Variants in TAF8 observed in about 807,000 individuals in gnomAD.
The protein encoded by TAF8 is transcription initiation factor TFIID subunit 8.
A neutral mutation model predicts 36.5 loss-of-function variants in TAF8; 47 were observed. That is an observed-to-expected ratio of 1.29 (90% CI 1.02 to 1.64). TAF8 has a LOEUF of 1.64. TAF8 is among the 40% of genes most tolerant of loss of function. TAF8 has a pLI of 0.00. For synonymous variants in TAF8, 175 were observed against 159.5 expected (o/e 1.10, Z -0.73); for missense variants, 420 against 407.6 (o/e 1.03, Z -0.26).
chr6:42,077,418 G>C (rs1007977110), intron 8 of TAF8, 115 bp from the exon 9 acceptor site: 6 of 1,553,052 alleles, frequency 3.9e-6, no homozygotes, highest in Non-Finnish European at 5.2e-6. Context: ...GTTCCTTAGT[G>C]GTTGAGTGTC....
intron 5 of TAF8, among the ~76,000 whole-genome samples, chr6:42,061,539 T>A (rs1263921409): frequency 6.6e-6 from 1 of 152,236 alleles, no homozygotes; most frequent in African/African-American, 2.4e-5. Flanking sequence ...CAGCCACAGT[T>A]AAAGGCACAA....
intron 4 of TAF8, chr6:42,056,421 T>C (rs896946616): frequency 4.4e-6 from 1 of 226,594 alleles, no homozygotes; most frequent in Admixed American, 5.3e-5. Context: ...GTTTTCATGC[T>C]ATAATGGCAT....
In TAF8 at chr6:42,068,446, C is replaced by T. The variant is rs766408667; in HGVS notation, c.638-19C>T. On this transcript the variant is annotated intron_variant, in intron 6 of 8. Coordinates refer to ENST00000372977, the MANE Select transcript of TAF8 (RefSeq NM_138572.3). Reference sequence around the variant, plus strand: ...GGTCTCTGTGACAGTGGACTCATGCCTCTCTTCCAATTCGCCAGTGATTGC... The same window carrying T: ...GGTCTCTGTGACAGTGGACTCATGCTTCTCTTCCAATTCGCCAGTGATTGC... The T allele has an allele frequency of 3.1e-6, 5 of 1,613,588 alleles. No homozygotes were observed. The highest frequency in any genetic ancestry group is 4.2e-6 in the Non-Finnish European group (5 of 1,179,910).
intron 5 of TAF8, among the ~76,000 whole-genome samples, chr6:42,065,607 C>T (rs1189421777): frequency 1.3e-5 from 2 of 152,152 alleles, no homozygotes; most frequent in African/African-American, 2.4e-5. Context: ...ACATAGGCAG[C>T]CACTCCCATA....
In TAF8 at chr6:42,061,627, T is replaced by G. The variant is rs1765193049; in HGVS notation, c.489+4114T>G. 3.3e-5 allele frequency among the ~76,000 whole-genome samples: 5 copies of G among 152,190 alleles called. No individual in the cohort carries two copies. In the South Asian group the frequency reaches 1.0e-3, roughly 31 times the overall value. ...TATAATTATTACTGATAACATACAC[T>G]AAGTCATATTAGAATTATAGAAGTT... On this transcript the variant is annotated intron_variant, in intron 5 of 8. Transcript: ENST00000372977.
intron 6 of TAF8, among the ~76,000 whole-genome samples, chr6:42,067,662 G>T (rs1765413819): frequency 6.6e-6 from 1 of 151,950 alleles, no homozygotes; most frequent in Non-Finnish European, 1.5e-5. Context: ...GGACCTCCTG[G>T]ACTCAAATGA....
chr6:42,077,528 T>C lies in TAF8; in HGVS notation c.921-5T>C, dbSNP rs2127464848. ...AGGAGGCTCCATGGTTCCTCTTCTTTCTAGGTCCCTCTCCTGAGCTGAGAA... is the reference window on the plus strand; with the variant it reads ...AGGAGGCTCCATGGTTCCTCTTCTTCCTAGGTCCCTCTCCTGAGCTGAGAA... On this transcript the variant is annotated splice_region_variant and splice_polypyrimidine_tract_variant and intron_variant, in intron 8 of 8. Coordinates refer to ENST00000372977, the MANE Select transcript of TAF8 (RefSeq NM_138572.3). The C allele has an allele frequency of 6.2e-7, 1 of 1,612,946 alleles. No homozygotes were observed. Among genetic ancestry groups the C allele is most frequent in the Non-Finnish European group, 8.5e-7 (1 of 1,179,574 alleles).
At chr6:42,053,313 A>G (rs527561791) in intron 2 of TAF8, among the ~76,000 whole-genome samples, 1 of 152,332 alleles carries the variant, frequency 6.6e-6, no homozygotes, top group Non-Finnish European at 1.5e-5. Context: ...CTGTAATCCC[A>G]GCACTTTGGG....
At chr6:42,060,007 A>C (rs1765137685) in intron 5 of TAF8, among the ~76,000 whole-genome samples, 1 of 152,186 alleles carries the variant, frequency 6.6e-6, no homozygotes, top group African/African-American at 2.4e-5. Context: ...CAACTGTCTG[A>C]GTGTACTCAT....
At chr6:42,061,945 T>G (rs1441932484) in intron 5 of TAF8, among the ~76,000 whole-genome samples, 3 of 152,172 alleles carry the variant, frequency 2.0e-5, no homozygotes, top group Non-Finnish European at 4.4e-5. Context: ...CCAAAAAATT[T>G]TTTTGTAAAG....
At chr6:42,068,639 T>G (rs371003657) in intron 7 of TAF8, 32 bp downstream of exon 7, 6 of 1,607,170 alleles carry the variant, frequency 3.7e-6, no homozygotes. Context: ...CCTCAGAGTA[T>G]CCCCCAAACT....
intron 8 of TAF8, 86 bp from the exon 9 acceptor site, chr6:42,077,447 C>T: frequency 1.3e-6 from 2 of 1,582,326 alleles, no homozygotes; most frequent in Non-Finnish European, 1.7e-6. Flanking sequence ...TAGGGACCAA[C>T]CCTCACAGCA....
downstream of TAF8, chr6:42,086,616 G>A: frequency 2.6e-6 from 3 of 1,136,970 alleles, no homozygotes; most frequent in African/African-American, 1.5e-5. Flanking sequence ...CTGATCTGCG[G>A]CACCCCCTCT....
At position 42,051,402 on chromosome 6, in the gene TAF8, C is replaced by T. The variant is rs1248545744; in HGVS notation, c.91C>T (p.Leu31=). The T allele has an allele frequency of 3.7e-6, 6 of 1,614,156 alleles. No homozygotes were observed. In the South Asian group the frequency reaches 5.5e-5, roughly 15 times the overall value. ...QSTNPADNYH[L]ARRRTLQVVV... is the part of the protein sequence containing the mutation. The stretch of plus-strand genomic sequence containing the variant: ...CACTAACCCTGCCGATAACTATCAT[C>T]TGGCCCGGAGGAGAACCCTGCAGGT... Residue 31 remains leucine (L), a synonymous_variant, in exon 2 of 9, where the codon CTG becomes TTG. Coordinates refer to ENST00000372977, the MANE Select transcript of TAF8 (RefSeq NM_138572.3).
rs373966199 is a variant in TAF8, at chr6:42,062,857, C to T, written c.490-3455C>T. ...GCCTGGCCAAGACAATCTTTAAAACCCTCTGAACTAGACAAAATTACATTC... is the reference window on the plus strand; with the variant it reads ...GCCTGGCCAAGACAATCTTTAAAACTCTCTGAACTAGACAAAATTACATTC... On this transcript the variant is annotated intron_variant, in intron 5 of 8. Transcript: ENST00000372977. Among the ~76,000 whole-genome samples, 3 of 152,130 alleles carry T rather than the reference C, an allele frequency of 2.0e-5. No individual in the cohort carries two copies. In the South Asian group the frequency reaches 6.2e-4, roughly 32 times the overall value.
At chr6:42,050,949 G>T (rs940327845) in intron 1 of TAF8, 1 of 1,113,604 alleles carries the variant, frequency 9.0e-7, no homozygotes, top group Non-Finnish European at 1.1e-6. Context: ...TCCTCTCCTC[G>T]CGGTCACCTC....
In TAF8 at chr6:42,051,420, C is replaced by G. The variant is rs1764780911; in HGVS notation, c.109C>G (p.Leu37Val). 6.2e-7 allele frequency: 1 copy of G among 1,614,122 alleles called. No homozygotes were observed. The part of the protein sequence containing the change: ...DNYHLARRRT[L>V]QVVVSSLLTE... ...CTATCATCTGGCCCGGAGGAGAACC[C>G]TGCAGGTGGTTGTGAGCTCCTTGCT... The change falls in exon 2 of 9, where the codon CTG (leucine) becomes GTG (valine). Residue 37 changes from leucine to valine, a missense_variant. Coordinates refer to ENST00000372977, the MANE Select transcript of TAF8 (RefSeq NM_138572.3).
rs769313819 is a variant in TAF8 at position 42,068,513 on chromosome 6, C to G, written c.686C>G (p.Pro229Arg). Residue 229 changes from proline to arginine, a missense_variant, in exon 7 of 9, where the codon CCG becomes CGG. Coordinates refer to ENST00000372977, the MANE Select transcript of TAF8 (RefSeq NM_138572.3). Reference sequence around the variant, plus strand: ...ATCCCCTACCTGACAGCTCTTCTTCCGTCTGAACTGGAGATGCAACAAATG... The same window carrying G: ...ATCCCCTACCTGACAGCTCTTCTTCGGTCTGAACTGGAGATGCAACAAATG... ...FTIPYLTALL[P>R]SELEMQQMEE... is the part of the protein sequence containing the mutation. The G allele has an allele frequency of 8.1e-6, 13 of 1,614,090 alleles. No individual in the cohort carries two copies. The highest frequency in any genetic ancestry group is 1.1e-5 in the Non-Finnish European group (13 of 1,180,016).
At chr6:42,075,728 A>G (rs1356630932) in intron 7 of TAF8, among the ~76,000 whole-genome samples, 1 of 152,208 alleles carries the variant, frequency 6.6e-6, no homozygotes, top group African/African-American at 2.4e-5. Flanking sequence ...AAACGTGGAA[A>G]ATAAAGGAGG....
Sources: allele counts gnomAD v4.1 joint callset (sites outside exome capture counted in the v4.1 genomes callset), GRCh38; gene constraint gnomAD v4.1.1; transcripts MANE v1.5; gene names NCBI Gene and HGNC (gene_info 2026-07-23, HGNC 2026-07-21).